Variants in POLR2F observed in about 807,000 individuals in gnomAD.
POLR2F encodes the protein DNA-directed RNA polymerases I, II, and III subunit RPABC2.
A neutral mutation model predicts 22.7 loss-of-function variants in POLR2F; 12 were observed. The observed-to-expected ratio is 0.53, with a 90% confidence interval of 0.34 to 0.86. The LOEUF is 0.86. Ranked by LOEUF, POLR2F falls within the 40% of genes least tolerant of loss-of-function variation. The pLI, the probability that POLR2F is intolerant of heterozygous loss-of-function variation, is 0.02. For synonymous variants in POLR2F, 57 were observed against 66.0 expected (o/e 0.86, Z 0.66); for missense variants, 126 against 171.5 (o/e 0.73, Z 1.48).
chr22:38,040,054 A>C (rs1453768599), intron 5 of POLR2F, among the ~76,000 whole-genome samples: 6 of 152,060 alleles, frequency 3.9e-5, no homozygotes, highest in Non-Finnish European at 8.8e-5. Context: ...TGGGAGGATC[A>C]CTTGAGGCCA....
At chr22:38,006,467 CAT>C in intron 1 of POLR2F, among the ~76,000 whole-genome samples, 1 of 152,180 alleles carries the variant, frequency 6.6e-6, no homozygotes, top group Admixed American at 6.5e-5. Context: ...TTAGCAGGCA[CAT>C]ACTGTGTGCC....
intron 1 of POLR2F, among the ~76,000 whole-genome samples, chr22:38,020,706 C>T (rs2084954140): frequency 6.6e-6 from 1 of 151,888 alleles, no homozygotes; most frequent in Non-Finnish European, 1.5e-5. Flanking sequence ...CATGCCACTG[C>T]ACTCTAGCCT....
chr22:37,961,609 A>G (rs1194492532), intron 3 of POLR2F, among the ~76,000 whole-genome samples: 2 of 152,176 alleles, frequency 1.3e-5, no homozygotes, highest in Non-Finnish European at 2.9e-5. Flanking sequence ...AGGCCTTCAG[A>G]TGCCTGCTAA....
chr22:37,999,728 G>A (rs1018904232), intron 1 of POLR2F, among the ~76,000 whole-genome samples: 1 of 152,156 alleles, frequency 6.6e-6, no homozygotes, highest in Non-Finnish European at 1.5e-5. Flanking sequence ...TGTGACCTGG[G>A]CAGAGCTCCT....
upstream of POLR2F, among the ~76,000 whole-genome samples, chr22:37,981,751 G>T (rs1441561033): frequency 6.6e-6 from 1 of 152,238 alleles, no homozygotes; most frequent in East Asian, 1.9e-4. Context: ...GCCCCACCCA[G>T]ATCTGGATGG....
downstream of POLR2F, chr22:37,974,239 A>G (rs977876582): frequency 1.7e-5 from 25 of 1,499,208 alleles, no homozygotes; most frequent in African/African-American, 1.2e-4. The surrounding 1 kb of genome is among the most constrained non-coding windows in gnomAD (Gnocchi z 5.4). Flanking sequence ...GCAAGGGGGA[A>G]GCAGGTTAGA....
intron 5 of POLR2F, among the ~76,000 whole-genome samples, chr22:38,039,541 G>A (rs988085776): frequency 5.9e-5 from 9 of 152,236 alleles, no homozygotes; most frequent in African/African-American, 2.2e-4. Context: ...GCCGGTGCCC[G>A]GGGGAGGGGA....
chr22:38,007,123 AC>A (rs1469432005), intron 1 of POLR2F, among the ~76,000 whole-genome samples: 7 of 151,738 alleles, frequency 4.6e-5, no homozygotes, highest in Admixed American at 3.3e-4. Flanking sequence ...ATGAACCTAG[AC>A]CCCCAACTGG....
At chr22:38,038,832 C>A (rs1487734119) in intron 5 of POLR2F, among the ~76,000 whole-genome samples, 1 of 140,818 alleles carries the variant, frequency 7.1e-6, no homozygotes, top group Admixed American at 7.0e-5. Flanking sequence ...CTGACCGTGG[C>A]GGCCGCGGCG....
chr22:37,968,236 G>C lies in POLR2F; in HGVS notation c.*521G>C. 1.0e-6 allele frequency: 1 copy of C among 985,464 alleles called. No individual in the cohort carries two copies. The highest frequency in any genetic ancestry group is 4.7e-5 in the South Asian group (1 of 21,284). The allele number at this position is 985,464 out of a possible 1,614,324, so 61.0% of individuals were successfully genotyped here. A position where few individuals can be genotyped will look rare whatever the true frequency, so the allele number is the denominator to read the frequency against. Reference sequence around the variant, plus strand: ...GGAGCAGTGCCCCAGCAGGAAGCGTGGGGGTGTGCTGATCTCCCACCCTCC... The same window carrying C: ...GGAGCAGTGCCCCAGCAGGAAGCGTCGGGGTGTGCTGATCTCCCACCCTCC... On this transcript the variant is annotated 3_prime_UTR_variant, in exon 5 of 5. Transcript: ENST00000442738.
rs1167821158 is a variant in POLR2F at position 38,017,311 on chromosome 22, A to C, written c.121-8558A>C. Among the ~76,000 whole-genome samples, 1 of 152,170 alleles carries C rather than the reference A, an allele frequency of 6.6e-6. No homozygotes were observed. Among genetic ancestry groups the C allele is most frequent in the Non-Finnish European group, 1.5e-5 (1 of 68,016 alleles). ...TGGAATAGGGGGCTCACACTAGGAC[A>C]GAAAACCCTGAACTGCCCCCAGAGT... is the stretch of plus-strand genomic sequence containing the variant. On this transcript the variant is annotated intron_variant, in intron 1 of 2. Transcript: ENST00000333418. This position sits in a 1 kb window ranked among gnomAD's most constrained non-coding sequence, Gnocchi z 4.1.
chr22:38,025,241 T>TCACA (rs139306969), intron 1 of POLR2F, among the ~76,000 whole-genome samples: 1 of 151,548 alleles, frequency 6.6e-6, no homozygotes, highest in African/African-American at 2.4e-5. Flanking sequence ...ACTCACTTGC[T>TCACA]CACACACACA....
rs1487240999 is a variant in POLR2F, at chr22:37,986,281, G to GCTGC, written c.101_104dup (p.Gly36AlafsTer31). The GCTGC allele has an allele frequency of 2.0e-5, 31 of 1,538,346 alleles. No individual in the cohort carries two copies. Among genetic ancestry groups the GCTGC allele is most frequent in the Non-Finnish European group, 2.4e-5 (28 of 1,146,820 alleles). On this transcript the variant is annotated frameshift_variant, in exon 1 of 3. Coordinates refer to the POLR2F transcript ENST00000333418. LOFTEE classifies it high-confidence loss of function. This position sits in a 1 kb window ranked among gnomAD's most constrained non-coding sequence, Gnocchi z 4.7. ...CTCCAACACCCGCTGCTGCCCGCCC[G>GCTGC]CTGCCTGCCTGCCTGGCATCTCTCT...
downstream of POLR2F, among the ~76,000 whole-genome samples, chr22:37,970,439 T>TAAA (rs139882): frequency 2.3e-5 from 3 of 128,892 alleles, no homozygotes; most frequent in East Asian, 2.3e-4. Context: ...TGTCTCTACT[T>TAAA]AAAAAAAAAA....
At chr22:37,993,858 G>A (rs200684157) in intron 1 of POLR2F, among the ~76,000 whole-genome samples, 5 of 152,072 alleles carry the variant, frequency 3.3e-5, no homozygotes, top group South Asian at 2.1e-4. Context: ...GCATGGTGGC[G>A]GGCGCCTGTA....
chr22:37,967,372 C>T (rs1251011321), intron 4 of POLR2F: 11 of 1,442,730 alleles, frequency 7.6e-6, no homozygotes, highest in Admixed American at 5.7e-5. Flanking sequence ...GAGACATGGA[C>T]GTCTTCTGGC....
intron 1 of POLR2F, among the ~76,000 whole-genome samples, chr22:37,990,809 CTG>C (rs1320043155): frequency 6.6e-6 from 1 of 152,248 alleles, no homozygotes. Context: ...TAGCTGATCT[CTG>C]AGAGTGTTTC....
intron 5 of POLR2F, among the ~76,000 whole-genome samples, chr22:38,034,402 G>A (rs912202354): frequency 1.3e-5 from 2 of 152,172 alleles, no homozygotes; most frequent in African/African-American, 4.8e-5. Flanking sequence ...GCCACGTGGC[G>A]GCAGGCAGGT....
At chr22:38,041,138 G>A, downstream of POLR2F, 2 of 1,612,616 alleles carry the variant, frequency 1.2e-6, no homozygotes, top group Non-Finnish European at 1.7e-6. Context: ...GGAAGTACAT[G>A]GAATGCCAGA....
Sources: allele counts gnomAD v4.1 joint callset (sites outside exome capture counted in the v4.1 genomes callset), GRCh38; gene constraint gnomAD v4.1.1; non-coding constraint Gnocchi (gnomAD v3.1); transcripts MANE v1.5; gene names NCBI Gene and HGNC (gene_info 2026-07-23, HGNC 2026-07-21).